Variants in ACLY observed in about 807,000 individuals in gnomAD.
ACLY encodes ATP-citrate synthase.
A neutral mutation model predicts 133.0 loss-of-function variants in ACLY; 41 were observed. That is an observed-to-expected ratio of 0.31 (90% CI 0.24 to 0.40). ACLY has a LOEUF of 0.40. Ranked by LOEUF, ACLY falls within the 10% of genes least tolerant of loss-of-function variation. ACLY has a pLI of 1.00. For synonymous variants in ACLY, 495 were observed against 549.3 expected (o/e 0.90, Z 1.38); for missense variants, 1,046 against 1,453.8 (o/e 0.72, Z 4.56).
intron 19 of ACLY, 121 bp downstream of exon 19, chr17:41,884,072 G>A: frequency 1.6e-6 from 1 of 634,854 alleles, no homozygotes; most frequent in Non-Finnish European, 2.8e-6. Context: ...GCATCTAGGG[G>A]ATGGGATTAC....
chr17:41,914,296 G>C (rs557380596), intron 1 of ACLY, among the ~76,000 whole-genome samples: 3 of 151,794 alleles, frequency 2.0e-5, no homozygotes, highest in Non-Finnish European at 2.9e-5. Flanking sequence ...TCCCATCTGA[G>C]GTGGGCAGAC....
rs1555628085 is a variant in ACLY at position 41,886,131 on chromosome 17, C to T, written c.2053G>A (p.Val685Met). 3.1e-6 allele frequency: 5 copies of T among 1,613,920 alleles called. No individual in the cohort carries two copies. Among genetic ancestry groups the T allele is most frequent in the Non-Finnish European group, 3.4e-6 (4 of 1,179,896 alleles). ...SRTTDGVYEG[V>M]AIGGDRYPGS... ...GATTACCTGTCCCCACCAATGGCCA[C>T]GCCCTCATAGACGCCATCCGTGGTC... Residue 685 changes from valine (V) to methionine (M), a missense_variant, in exon 18 of 29, where the codon GTG becomes ATG. Transcript: ENST00000352035.
intron 1 of ACLY, among the ~76,000 whole-genome samples, chr17:41,915,499 C>T (rs538931185): frequency 6.2e-4 from 95 of 152,282 alleles, no homozygotes; most frequent in African/African-American, 2.2e-3. Flanking sequence ...GCTGGTGGGG[C>T]TTCAGGTTCT....
At chr17:41,918,851 A>T (rs2050126697) in intron 1 of ACLY, 29 bp downstream of exon 1, 2 of 1,286,840 alleles carry the variant, frequency 1.6e-6, no homozygotes, top group Admixed American at 4.6e-5. Flanking sequence ...AGCGGGCTCC[A>T]GCCAGCGAAA....
In ACLY at chr17:41,892,357, C is replaced by T. The variant is rs77821358; in HGVS notation, c.1692G>A (p.Pro564=). ...CAAAGTTGATGAGCACATCTACCTC[C>T]GGATGCTTCCTCATGGCATCAGCCA... ...KNMADAMRKH[P]EVDVLINFAS... is the part of the protein sequence containing the mutation. The change falls in exon 16 of 29, where the codon CCG becomes CCA. Residue 564 remains proline, a synonymous_variant. Coordinates refer to ENST00000352035, the MANE Select transcript of ACLY (RefSeq NM_001096.3). 3.6e-5 allele frequency: 58 copies of T among 1,612,870 alleles called. No individual in the cohort carries two copies. The East Asian group carries it at 7.2e-4, about 20-fold the overall frequency.
In ACLY at chr17:41,876,215, C is replaced by T. The variant is rs1174130496; in HGVS notation, c.2487+1888G>A. Among the ~76,000 whole-genome samples the T allele has an allele frequency of 3.3e-5, 5 of 151,856 alleles. No homozygotes were observed. In the South Asian group the frequency reaches 6.2e-4, roughly 19 times the overall value. On this transcript the variant is annotated intron_variant, in intron 22 of 28. Coordinates refer to ENST00000352035, the MANE Select transcript of ACLY (RefSeq NM_001096.3). ...CTGGGAAGTGAGGAGCGTCTTCGCC[C>T]GGCAGCCACCCCGTCCGGGAGGGAG... is the stretch of plus-strand genomic sequence containing the variant.
rs373857891 is a variant in ACLY at position 41,869,081 on chromosome 17, T to C, written c.3096A>G (p.Ala1032=). Residue 1032 remains alanine, a synonymous_variant, in exon 27 of 29, where the codon GCA becomes GCG. Transcript: ENST00000352035. ...ILNVDGLIGV[A]FVDMLRNCGS... ...CACAGTTTCTAAGCATGTCTACAAA[T>C]GCGACTCCGATGAGACCATCTACAT... The C allele has an allele frequency of 1.9e-6, 3 of 1,613,970 alleles. No homozygotes were observed. Among genetic ancestry groups the C allele is most frequent in the Non-Finnish European group, 2.5e-6 (3 of 1,180,018 alleles).
At chr17:41,879,055 A>C (rs567423785) in intron 20 of ACLY, 131 bp from the exon 21 acceptor site, 55 of 1,114,962 alleles carry the variant, frequency 4.9e-5, no homozygotes, top group Non-Finnish European at 6.9e-5. Context: ...GAATAGGTAC[A>C]ATAGATGATT....
chr17:41,869,643 G>T, intron 25 of ACLY, 56 bp from the exon 26 acceptor site: 1 of 1,445,086 alleles, frequency 6.9e-7, no homozygotes, highest in Non-Finnish European at 9.7e-7. Flanking sequence ...GGATGTGTTT[G>T]TTCATACTTG....
At chr17:41,888,330 C>T (rs573149452) in intron 16 of ACLY, among the ~76,000 whole-genome samples, 7 of 152,272 alleles carry the variant, frequency 4.6e-5, no homozygotes, top group South Asian at 4.1e-4. Context: ...ATAGCAGCTA[C>T]GTTCACTCTC....
intron 1 of ACLY, among the ~76,000 whole-genome samples, chr17:41,915,574 T>C (rs1475391914): frequency 2.6e-5 from 4 of 152,164 alleles, no homozygotes; most frequent in African/African-American, 9.7e-5. Context: ...ATGGGTGTAT[T>C]CAGCCTGGTG....
In ACLY at chr17:41,892,266, C is replaced by T. The variant is rs1329769816; in HGVS notation, c.1770+13G>A. On this transcript the variant is annotated intron_variant, in intron 16 of 28. Coordinates refer to ENST00000352035, the MANE Select transcript of ACLY (RefSeq NM_001096.3). ...GGTCCCCACCCCCCACCCTCCAGAGCCCAGTGATCTACCTGGGCATAGTTC... is the reference window on the plus strand; with the variant it reads ...GGTCCCCACCCCCCACCCTCCAGAGTCCAGTGATCTACCTGGGCATAGTTC... 8.3e-6 allele frequency: 4 copies of T among 480,312 alleles called. No homozygotes were observed. Among genetic ancestry groups the T allele is most frequent in the Non-Finnish European group, 1.3e-5 (4 of 298,924 alleles). 29.8% of individuals were successfully genotyped at this position (480,312 alleles called of 1,614,324 possible). A position where few individuals can be genotyped will look rare whatever the true frequency, so the allele number is the denominator to read the frequency against.
chr17:41,887,767 C>T, intron 16 of ACLY, 64 bp from the exon 17 acceptor site: 1 of 1,355,528 alleles, frequency 7.4e-7, no homozygotes, highest in Middle Eastern at 1.9e-4. Flanking sequence ...CAAGACAGCA[C>T]CGTTTAAGGG....
chr17:41,868,930 AC>A, intron 27 of ACLY, 112 bp downstream of exon 27: 3 of 1,344,398 alleles, frequency 2.2e-6, no homozygotes, highest in Non-Finnish European at 3.2e-6. Context: ...TCTTCTTTAT[AC>A]CTCTCCTTAT....
intron 1 of ACLY, among the ~76,000 whole-genome samples, chr17:41,927,293 T>A (rs1555636081): frequency 1.3e-5 from 2 of 152,218 alleles, no homozygotes; most frequent in Non-Finnish European, 2.9e-5. Flanking sequence ...ACTTCCCTAC[T>A]GCCATGTTCC....
At chr17:41,887,467 T>G in intron 17 of ACLY, 132 bp downstream of exon 17, 3 of 730,828 alleles carry the variant, frequency 4.1e-6, no homozygotes, top group Non-Finnish European at 2.3e-6. Flanking sequence ...GACAGACTGA[T>G]TTTCAACACA....
At position 41,909,704 on chromosome 17, in the gene ACLY, G is replaced by A. The variant is rs782453038; in HGVS notation, c.346-4C>T. 3 of 1,613,718 alleles carry A rather than the reference G, an allele frequency of 1.9e-6. No homozygotes were observed. The Admixed American group carries it at 5.0e-5, about 27-fold the overall frequency. On this transcript the variant is annotated splice_polypyrimidine_tract_variant and splice_region_variant and intron_variant, in intron 4 of 28. Coordinates refer to ENST00000352035, the MANE Select transcript of ACLY (RefSeq NM_001096.3). ...TGCAGACATAGAACTCCTCAGCCTT[G>A]CAGGTGAAGAGACAGGACAGTGGGA...
At chr17:41,880,975 TC>T (rs782647591) in intron 20 of ACLY, among the ~76,000 whole-genome samples, 1 of 148,388 alleles carries the variant, frequency 6.7e-6, no homozygotes. Context: ...CTTAGAAGTG[TC>T]CTGATCATGG....
intron 22 of ACLY, among the ~76,000 whole-genome samples, chr17:41,877,603 A>G (rs1177715384): frequency 6.6e-6 from 1 of 152,150 alleles, no homozygotes; most frequent in African/African-American, 2.4e-5. Flanking sequence ...GGATTGAGGG[A>G]CACAAAGTAT....
Sources: gnomAD v4.1 joint callset for allele counts (sites outside exome capture counted in the v4.1 genomes callset) on GRCh38, gnomAD v4.1.1 for gene constraint, MANE v1.5 for transcripts, NCBI Gene and HGNC (gene_info 2026-07-23, HGNC 2026-07-21) for gene names.